The following HMCN2 variants were observed in gnomAD, a reference collection of about 807,000 sequenced individuals.
The protein encoded by HMCN2 is hemicentin 2.
HMCN2 carries 325 observed loss-of-function variants against 377.5 expected under a neutral mutation model. The observed-to-expected ratio is 0.86, with a 90% CI of 0.79 to 0.94. The LOEUF (loss-of-function observed/expected upper bound fraction) is 0.94. Among genes scored for constraint, HMCN2 ranks in the 40% least tolerant of loss-of-function variants. HMCN2 has a pLI of 0.00. For synonymous variants in HMCN2, 2,007 were observed against 2,046.8 expected (o/e 0.98, Z 0.53); for missense variants, 4,543 against 4,725.3 (o/e 0.96, Z 1.13).
rs1476382601 is a variant in HMCN2, at chr9:130,425,097, C to T, written c.13608C>T (p.Pro4536=). 1.0e-5 allele frequency: 16 copies of T among 1,549,772 alleles called. No individual in the cohort carries two copies. Among genetic ancestry groups the T allele is most frequent in the Middle Eastern group, 1.7e-4 (1 of 6,014 alleles). ...LLDVVVNGVV[P]ESLADADLQV... ...ACGTGGTGGTCAATGGCGTTGTCCCCGAGAGCCTGGCTGACGCAGATCTTC... is the reference window on the plus strand; with the variant it reads ...ACGTGGTGGTCAATGGCGTTGTCCCTGAGAGCCTGGCTGACGCAGATCTTC... The change falls in exon 89 of 98, where the codon CCC becomes CCT. Residue 4536 remains proline, a synonymous_variant. Transcript: ENST00000683500.
intron 62 of HMCN2, among the ~76,000 whole-genome samples, chr9:130,389,994 G>C (rs1004293537): frequency 6.6e-6 from 1 of 152,212 alleles, no homozygotes; most frequent in Non-Finnish European, 1.5e-5. Context: ...GGCATTTGGG[G>C]TGGCTGCATC....
At position 130,407,565 on chromosome 9, in the gene HMCN2, C is replaced by T. The variant is rs548840783; in HGVS notation, c.12554-6C>T. ...CCTGCACCCGACTTCTCTTTCTCCA[C>T]CACAGAAGGGGTGTCTGAGCAGGAT... On this transcript the variant is annotated splice_region_variant and splice_polypyrimidine_tract_variant and intron_variant, in intron 82 of 97. Coordinates refer to ENST00000683500, the MANE Select transcript of HMCN2 (RefSeq NM_001291815.2). 6.7e-5 allele frequency: 87 copies of T among 1,289,448 alleles called. 1 individual carries two copies. In the South Asian group the frequency reaches 9.8e-4, roughly 14 times the overall value. 79.9% of individuals were successfully genotyped at this position (1,289,448 alleles called of 1,614,324 possible). A position where few individuals can be genotyped will look rare whatever the true frequency, so the allele number is the denominator to read the frequency against.
At chr9:130,390,480 T>C (rs1265028422) in intron 62 of HMCN2, among the ~76,000 whole-genome samples, 1 of 152,134 alleles carries the variant, frequency 6.6e-6, no homozygotes, top group Non-Finnish European at 1.5e-5. Context: ...GGCAAGGAGA[T>C]CGTCCTGGGC....
Position 130,396,214 on chromosome 9 carries a change from T to G in HMCN2, c.11099T>G (p.Val3700Gly), listed in dbSNP as rs1842602557. 1 of 1,285,544 alleles carries G rather than the reference T, an allele frequency of 7.8e-7. No homozygotes were observed. Among genetic ancestry groups the G allele is most frequent in the Non-Finnish European group, 1.0e-6 (1 of 985,534 alleles). 79.6% of individuals were successfully genotyped at this position (1,285,544 alleles called of 1,614,324 possible). A position where few individuals can be genotyped will look rare whatever the true frequency, so the allele number is the denominator to read the frequency against. ...RSGPPAVNVS[V>G]NQTALLPCQA... ...GGACCACCTGCAGTGAACGTCTCAG[T>G]GAACCAGACAGCCCTGCTGCCTTGC... The change falls in exon 73 of 98, where the codon GTG becomes GGG. Residue 3700 changes from valine to glycine, a missense_variant. Around this residue, in one of 5 missense-constraint regions of HMCN2, gnomAD observed 1,073 missense variants for 1,319.5 expected, o/e 0.81. Coordinates refer to ENST00000683500, the MANE Select transcript of HMCN2 (RefSeq NM_001291815.2).
Position 130,366,076 on chromosome 9 carries a change from C to T in HMCN2, c.6625+81C>T, listed in dbSNP as rs142082520. On this transcript the variant is annotated intron_variant, in intron 43 of 97. Transcript: ENST00000683500. ...GCCCAGTCCCCACTGGTTACCCCCA[C>T]CCCAGAGCCTAGCTGAGATGGGGGG... 70 of 955,392 alleles carry T rather than the reference C, an allele frequency of 7.3e-5. No individual in the cohort carries two copies. The African/African-American group carries it at 1.2e-3, about 16-fold the overall frequency. The allele number at this position is 955,392 out of a possible 1,614,324, so 59.2% of individuals were successfully genotyped here.
chr9:130,411,278 C>T (rs1344751419), intron 85 of HMCN2, among the ~76,000 whole-genome samples: 1 of 151,548 alleles, frequency 6.6e-6, no homozygotes, highest in East Asian at 1.9e-4. Context: ...CCCGTTCATG[C>T]AATGCAATAT....
intron 14 of HMCN2, among the ~76,000 whole-genome samples, chr9:130,309,480 A>T (rs1346545992): frequency 1.4e-5 from 2 of 141,026 alleles, no homozygotes; most frequent in Non-Finnish European, 3.0e-5. Flanking sequence ...ATGCCACAGC[A>T]CTCCAGCCTA....
intron 2 of HMCN2, 85 bp from the exon 3 acceptor site, chr9:130,285,073 A>G: frequency 2.3e-6 from 1 of 436,464 alleles, no homozygotes; most frequent in Non-Finnish European, 4.8e-6. Context: ...GTGACTCCCT[A>G]TGCCCAGTGG....
At position 130,393,651 on chromosome 9, in the gene HMCN2, G is replaced by T. The variant is rs12339022; in HGVS notation, c.10235-91G>T. 1.7e-6 allele frequency: 2 copies of T among 1,147,108 alleles called. No individual in the cohort carries two copies. The highest frequency in any genetic ancestry group is 7.2e-5 in the East Asian group (1 of 13,890). 71.1% of individuals were successfully genotyped at this position (1,147,108 alleles called of 1,614,324 possible). On this transcript the variant is annotated intron_variant, in intron 67 of 97. Coordinates refer to ENST00000683500, the MANE Select transcript of HMCN2 (RefSeq NM_001291815.2). This position sits in a 1 kb window ranked among gnomAD's most constrained non-coding sequence, Gnocchi z 5.2. ...TCACCTGGCCTTGGGGGACCAGGGC[G>T]GCTTCCTGGAAGAGGTGATGTCTAA...
intron 5 of HMCN2, 94 bp downstream of exon 5, chr9:130,295,120 C>T (rs1836046261): frequency 3.3e-6 from 1 of 307,474 alleles, no homozygotes; most frequent in African/African-American, 2.3e-5. Context: ...GGTGACAGGG[C>T]TTCAGACATG....
At chr9:130,409,387 C>G (rs540587685) in intron 84 of HMCN2, among the ~76,000 whole-genome samples, 1 of 152,178 alleles carries the variant, frequency 6.6e-6, no homozygotes, top group Non-Finnish European at 1.5e-5. Context: ...CCTCAGGCCC[C>G]GTGCTGTTTC....
In HMCN2 at chr9:130,369,931, C is replaced by A; in HGVS notation, c.7069+80C>A. 1 of 859,234 alleles carries A rather than the reference C, an allele frequency of 1.2e-6. No individual in the cohort carries two copies. The highest frequency in any genetic ancestry group is 1.4e-6 in the Non-Finnish European group (1 of 714,732). 53.2% of individuals were successfully genotyped at this position (859,234 alleles called of 1,614,324 possible). On this transcript the variant is annotated intron_variant, in intron 45 of 97. Transcript: ENST00000683500. This position sits in a 1 kb window ranked among gnomAD's most constrained non-coding sequence, Gnocchi z 4.5. ...GGTGGGTTCAATCTCCAGGCACGGC[C>A]CTCAGGCTGTGATCCTGGGGTCACA...
chr9:130,412,567 C>CTTTTTTTTTTTTTTTTT (rs55873444), intron 85 of HMCN2, among the ~76,000 whole-genome samples: 3 of 134,522 alleles, frequency 2.2e-5, no homozygotes, highest in Non-Finnish European at 3.1e-5. Context: ...CTTTCTTTCT[C>CTTTTTTTTTTTTTTTTT]TTTTTTTTTT....
chr9:130,396,347 T>C, intron 73 of HMCN2, 34 bp downstream of exon 73: 1 of 1,243,272 alleles, frequency 8.0e-7, no homozygotes, highest in South Asian at 1.3e-5. Flanking sequence ...TCAGGGAGGC[T>C]CTCAGGTGCC....
rs58401432 is a variant in HMCN2, at chr9:130,355,047, G to A, written c.5146+3G>A. ...GCAGTACTCCGTGGAGGTTCAGGGT[G>A]AGCCCGGCCCACCCCACTCAGAGCT... On this transcript the variant is annotated splice_donor_region_variant and intron_variant, in intron 32 of 97. Coordinates refer to ENST00000683500, the MANE Select transcript of HMCN2 (RefSeq NM_001291815.2). 976 of 1,270,956 alleles carry A rather than the reference G, an allele frequency of 7.7e-4. 10 individuals are homozygous for A. In the African/African-American group the frequency reaches 0.014, roughly 18 times the overall value. 78.7% of individuals were successfully genotyped at this position (1,270,956 alleles called of 1,614,324 possible). A position where few individuals can be genotyped will look rare whatever the true frequency, so the allele number is the denominator to read the frequency against.
chr9:130,376,051 C>A, intron 51 of HMCN2, 62 bp downstream of exon 51: 1 of 704,962 alleles, frequency 1.4e-6, no homozygotes, highest in Non-Finnish European at 1.7e-6. Flanking sequence ...ACCTAGGGGC[C>A]CAGGCACCTG....
intron 97 of HMCN2, 53 bp downstream of exon 97, chr9:130,432,608 G>A: frequency 6.6e-7 from 1 of 1,525,102 alleles, no homozygotes; most frequent in South Asian, 1.2e-5. Context: ...ACATTTTTCA[G>A]TCACTGGGGG....
At chr9:130,378,586 A>T in intron 53 of HMCN2, among the ~76,000 whole-genome samples, 1 of 26,510 alleles carries the variant, frequency 3.8e-5, no homozygotes, top group Non-Finnish European at 7.3e-5. Flanking sequence ...TAGAATGGGG[A>T]GGCGGGGAGG....
chr9:130,372,560 C>A (rs1841082452), intron 47 of HMCN2, among the ~76,000 whole-genome samples, 153 bp downstream of exon 47: 1 of 152,182 alleles, frequency 6.6e-6, no homozygotes, highest in African/African-American at 2.4e-5. Context: ...CACTTTGCCT[C>A]ATCAAAAACC....
Sources: gnomAD v4.1 joint callset for allele counts (sites outside exome capture counted in the v4.1 genomes callset) on GRCh38, gnomAD v4.1.1 for gene constraint, gnomAD v4.1.1 regional missense constraint, Gnocchi (gnomAD v3.1) non-coding constraint, MANE v1.5 for transcripts, NCBI Gene and HGNC (gene_info 2026-07-23, HGNC 2026-07-21) for gene names.